The following UGT3A1 variants were observed in gnomAD, a reference collection of about 807,000 sequenced individuals.
UGT3A1 encodes the protein UDP-glycosyltransferase 3A1.
In UGT3A1, 40 loss-of-function variants were observed where a neutral mutation model predicts 37.6. That is an observed-to-expected ratio of 1.06 (90% CI 0.83 to 1.38). UGT3A1 has a LOEUF of 1.38. UGT3A1 is among the 40% of genes most tolerant of loss of function. The probability of loss-of-function intolerance (pLI) is 0.00; values close to 1 mark genes in which losing one functional copy is unlikely to be tolerated. For synonymous variants in UGT3A1, 256 were observed against 232.3 expected, an observed-to-expected ratio of 1.10 and a Z score of -0.93; for missense variants, 642 against 634.2, an observed-to-expected ratio of 1.01 and a Z score of -0.13.
chr5:35,953,439 T>C lies in UGT3A1; in HGVS notation c.*763A>G, dbSNP rs1252205239. The C allele has an allele frequency of 6.6e-6, 1 of 152,360 alleles. No homozygotes were observed. Among genetic ancestry groups the C allele is most frequent in the African/African-American group, 2.4e-5 (1 of 41,456 alleles). 9.4% of individuals were successfully genotyped at this position (152,360 alleles called of 1,614,324 possible). The stretch of plus-strand genomic sequence containing the variant: ...CCATATAGAAGGGTATTAACTGCCA[T>C]GTCGGGGATGGAAGATGGACTTTTT... On this transcript the variant is annotated 3_prime_UTR_variant, in exon 7 of 7. Coordinates refer to ENST00000274278, the MANE Select transcript of UGT3A1 (RefSeq NM_152404.4).
chr5:35,976,800 C>T (rs1740287926), intron 2 of UGT3A1, among the ~76,000 whole-genome samples: 1 of 149,488 alleles, frequency 6.7e-6, no homozygotes, highest in South Asian at 2.1e-4. Context: ...TGCCAGTGCA[C>T]TCTAGCCTGG....
chr5:35,992,181 T>C (rs1411298997), upstream of UGT3A1, among the ~76,000 whole-genome samples: 1 of 152,224 alleles, frequency 6.6e-6, no homozygotes, highest in African/African-American at 2.4e-5. Flanking sequence ...TGAATTCTGC[T>C]TGTACTATTC....
chr5:35,955,694 T>C lies in UGT3A1; in HGVS notation c.1246A>G (p.Thr416Ala). The change falls in exon 6 of 7, where the codon ACA becomes GCA. Residue 416 changes from threonine to alanine, a missense_variant. By Grantham distance (58) the Thr-to-Ala change is moderately conservative. Transcript: ENST00000274278. ...ATTGTAAGTGTCAGTGTGTCGGCTG[T>C]GACCTGATTCAACCGGATAGAGACA... ...YGVSIRLNQV[T>A]ADTLTLTMKQ... 1 of 1,614,198 alleles carries C rather than the reference T, an allele frequency of 6.2e-7. No individual in the cohort carries two copies. The highest frequency in any genetic ancestry group is 8.5e-7 in the Non-Finnish European group (1 of 1,180,034).
At chr5:35,967,786 C>G (rs997499266) in intron 3 of UGT3A1, among the ~76,000 whole-genome samples, 4 of 152,124 alleles carry the variant, frequency 2.6e-5, no homozygotes, top group Non-Finnish European at 5.9e-5. Flanking sequence ...GAATGCAAAC[C>G]TTGTCTACTC....
At chr5:35,956,595 G>A (rs1294601685) in intron 5 of UGT3A1, among the ~76,000 whole-genome samples, 1 of 152,200 alleles carries the variant, frequency 6.6e-6, no homozygotes, top group Non-Finnish European at 1.5e-5. Context: ...CTATTGAACT[G>A]TAAGGAGCTC....
At chr5:35,969,842 A>T (rs1179090612) in intron 2 of UGT3A1, among the ~76,000 whole-genome samples, 1 of 152,202 alleles carries the variant, frequency 6.6e-6, no homozygotes, top group African/African-American at 2.4e-5. Context: ...TATAATATAG[A>T]CGGCAAATAT....
rs1415297134 is a variant in UGT3A1, at chr5:35,953,600, T to A, written c.*602A>T. On this transcript the variant is annotated 3_prime_UTR_variant, in exon 7 of 7. Coordinates refer to ENST00000274278, the MANE Select transcript of UGT3A1 (RefSeq NM_152404.4). ...AAGACGGGAATCTTAAGAAGACAAC[T>A]GTAAAAACTGAAATAAAGCAGTATC... 1 of 152,454 alleles carries A rather than the reference T, an allele frequency of 6.6e-6. No homozygotes were observed. The highest frequency in any genetic ancestry group is 1.5e-5 in the Non-Finnish European group (1 of 68,152). The allele number at this position is 152,454 out of a possible 1,614,324, so 9.4% of individuals were successfully genotyped here. A position where few individuals can be genotyped will look rare whatever the true frequency, so the allele number is the denominator to read the frequency against.
At chr5:35,985,593 T>C (rs1740698906) in intron 2 of UGT3A1, among the ~76,000 whole-genome samples, 1 of 152,012 alleles carries the variant, frequency 6.6e-6, no homozygotes, top group Non-Finnish European at 1.5e-5. Context: ...GCCAAGAACA[T>C]ATAATGAGGA....
At chr5:35,990,048 C>T (rs1740876857) in intron 1 of UGT3A1, among the ~76,000 whole-genome samples, 1 of 150,666 alleles carries the variant, frequency 6.6e-6, no homozygotes, top group African/African-American at 2.5e-5. Context: ...GTTGAGATGG[C>T]GCCACTGCAC....
At chr5:35,956,883 T>C (rs1011015445) in intron 5 of UGT3A1, among the ~76,000 whole-genome samples, 1 of 152,168 alleles carries the variant, frequency 6.6e-6, no homozygotes, top group African/African-American at 2.4e-5. Context: ...GGTGACTCTG[T>C]TCAGTGTCAA....
At position 35,953,137 on chromosome 5, in the gene UGT3A1, C is replaced by T. The variant is rs1473286711; in HGVS notation, c.*1065G>A. On this transcript the variant is annotated 3_prime_UTR_variant, in exon 7 of 7. Transcript: ENST00000274278. ...TGGAATTTCATTTTATTTCAGAACT[C>T]TAAAGCAAATAAAAAGGTACAATCA... is the stretch of plus-strand genomic sequence containing the variant. The T allele has an allele frequency of 6.6e-6, 1 of 152,182 alleles. No homozygotes were observed. Among genetic ancestry groups the T allele is most frequent in the Non-Finnish European group, 1.5e-5 (1 of 68,018 alleles). 9.4% of individuals were successfully genotyped at this position (152,182 alleles called of 1,614,324 possible).
chr5:35,978,673 C>G (rs577550232), intron 2 of UGT3A1, among the ~76,000 whole-genome samples: 1 of 152,078 alleles, frequency 6.6e-6, no homozygotes, highest in African/African-American at 2.4e-5. Context: ...ACACAGCCAA[C>G]CCATATCATT....
intron 2 of UGT3A1, among the ~76,000 whole-genome samples, chr5:35,976,683 T>A (rs1306226034): frequency 6.6e-6 from 1 of 151,754 alleles, no homozygotes; most frequent in African/African-American, 2.4e-5. Flanking sequence ...CTACAAAAAA[T>A]AAATTAGCTG....
At chr5:35,984,374 C>T (rs1256340832) in intron 2 of UGT3A1, among the ~76,000 whole-genome samples, 2 of 151,966 alleles carry the variant, frequency 1.3e-5, no homozygotes, top group African/African-American at 2.4e-5. Context: ...CTGTATTGCT[C>T]GGTATTTAGC....
intron 2 of UGT3A1, among the ~76,000 whole-genome samples, chr5:35,970,566 T>C (rs1208520153): frequency 2.6e-5 from 4 of 152,128 alleles, no homozygotes. Flanking sequence ...TACTCCATAG[T>C]CTTAAGACTC....
intron 5 of UGT3A1, among the ~76,000 whole-genome samples, chr5:35,956,588 T>C (rs759753750): frequency 6.6e-6 from 1 of 152,150 alleles, no homozygotes; most frequent in East Asian, 1.9e-4. Context: ...GTAAAACCTA[T>C]TGAACTGTAA....
chr5:35,972,152 G>C lies in UGT3A1; in HGVS notation c.197-4019C>G, dbSNP rs375127118. ...TCCAAATTTGCTTCTAGGATAGTTA[G>C]TTTTATTTGTAAGCTTGGCTAGGAG... On this transcript the variant is annotated intron_variant, in intron 2 of 6. Transcript: ENST00000274278. Among the ~76,000 whole-genome samples, 17 of 152,236 alleles carry C rather than the reference G, an allele frequency of 1.1e-4. 1 individual carries two copies. The highest frequency in any genetic ancestry group is 8.3e-4 in the South Asian group (4 of 4,820).
At chr5:35,966,866 G>T (rs1580930404) in intron 3 of UGT3A1, among the ~76,000 whole-genome samples, 2 of 152,140 alleles carry the variant, frequency 1.3e-5, no homozygotes, top group African/African-American at 4.8e-5. Context: ...GTGATATGCA[G>T]ATCTCTGCCT....
At chr5:35,969,097 C>A (rs892208156) in intron 2 of UGT3A1, among the ~76,000 whole-genome samples, 2 of 152,168 alleles carry the variant, frequency 1.3e-5, no homozygotes, top group Admixed American at 6.5e-5. Context: ...ACCTCCCACA[C>A]ACACACCATT....
Sources: gnomAD v4.1 joint callset for allele counts (sites outside exome capture counted in the v4.1 genomes callset) on GRCh38, gnomAD v4.1.1 for gene constraint, MANE v1.5 for transcripts, NCBI Gene and HGNC (gene_info 2026-07-23, HGNC 2026-07-21) for gene names.